Variants in SGPP2 observed in about 807,000 individuals in gnomAD.
SGPP2 encodes the protein sphingosine-1-phosphate phosphatase 2.
SGPP2 carries 30 observed loss-of-function variants against 33.9 expected under a neutral mutation model. The ratio of observed to expected loss-of-function variants is 0.89; its 90% CI spans 0.66 to 1.20. SGPP2 has a LOEUF of 1.20. Among genes scored for constraint, SGPP2 ranks in the 50% most tolerant of loss-of-function variants. SGPP2 has a pLI of 0.00. For synonymous variants in SGPP2, 233 were observed against 225.0 expected (o/e 1.04, Z -0.32); for missense variants, 458 against 532.1 (o/e 0.86, Z 1.37).
At chr2:222,458,343 C>T (rs1265941527) in intron 1 of SGPP2, among the ~76,000 whole-genome samples, 1 of 152,110 alleles carries the variant, frequency 6.6e-6, no homozygotes, top group Non-Finnish European at 1.5e-5. Flanking sequence ...GTGTGAGCCA[C>T]CGTGCCTGGC....
chr2:222,522,310 TA>T, intron 3 of SGPP2, among the ~76,000 whole-genome samples: 1 of 117,320 alleles, frequency 8.5e-6, no homozygotes. Flanking sequence ...GTTTATGTCC[TA>T]GTAAATGATT....
chr2:222,486,978 A>T (rs751021846), intron 2 of SGPP2, among the ~76,000 whole-genome samples: 1 of 152,094 alleles, frequency 6.6e-6, no homozygotes, highest in Non-Finnish European at 1.5e-5. Context: ...TTTGAGAGTA[A>T]GTCACCTTTT....
At chr2:222,435,911 A>G (rs1344749381) in intron 1 of SGPP2, among the ~76,000 whole-genome samples, 1 of 152,180 alleles carries the variant, frequency 6.6e-6, no homozygotes, top group Non-Finnish European at 1.5e-5. Context: ...TTTTCCTCGT[A>G]GAGTGATTCA....
intron 1 of SGPP2, among the ~76,000 whole-genome samples, chr2:222,427,122 C>T (rs1230422747): frequency 6.6e-6 from 1 of 152,184 alleles, no homozygotes; most frequent in Non-Finnish European, 1.5e-5. Flanking sequence ...ATTCCCCGCC[C>T]CTCCAGAGGA....
intron 2 of SGPP2, among the ~76,000 whole-genome samples, chr2:222,517,847 G>T (rs1225914309): frequency 2.0e-5 from 3 of 152,178 alleles, no homozygotes; most frequent in African/African-American, 7.2e-5. Context: ...CTGTGAAGGG[G>T]GTCAGGGAAC....
intron 1 of SGPP2, among the ~76,000 whole-genome samples, chr2:222,438,068 A>G (rs548826530): frequency 6.6e-6 from 1 of 152,346 alleles, no homozygotes; most frequent in East Asian, 1.9e-4. Context: ...AGGTCACTTG[A>G]TAAATGGGCT....
At chr2:222,516,642 A>C (rs1004590749) in intron 2 of SGPP2, among the ~76,000 whole-genome samples, 6 of 152,186 alleles carry the variant, frequency 3.9e-5, no homozygotes, top group Non-Finnish European at 5.9e-5. Flanking sequence ...AGAAACTACC[A>C]AACTATTTTC....
intron 1 of SGPP2, among the ~76,000 whole-genome samples, chr2:222,464,299 G>A (rs754812271): frequency 3.3e-5 from 5 of 152,126 alleles, no homozygotes; most frequent in African/African-American, 7.2e-5. Context: ...TCTTTGTATC[G>A]ATGCCAATGT....
At chr2:222,521,993 A>G in intron 3 of SGPP2, 47 bp downstream of exon 3, 13 of 1,449,024 alleles carry the variant, frequency 9.0e-6, no homozygotes, top group Non-Finnish European at 1.2e-5. Context: ...GAGGCAGCAA[A>G]TAGAGGCTGC....
In SGPP2 at chr2:222,558,931, A is replaced by G. The variant is rs1445324256; in HGVS notation, c.*33A>G. Reference sequence around the variant, plus strand: ...ACAGTTGGAAACTAGCCCACTGGACATGAAAGCCAAGACATAGGAAAGTTA... The same window carrying G: ...ACAGTTGGAAACTAGCCCACTGGACGTGAAAGCCAAGACATAGGAAAGTTA... On this transcript the variant is annotated 3_prime_UTR_variant, in exon 5 of 5. Coordinates refer to ENST00000321276, the MANE Select transcript of SGPP2 (RefSeq NM_152386.4). The G allele has an allele frequency of 1.3e-6, 2 of 1,580,940 alleles. No homozygotes were observed. Among genetic ancestry groups the G allele is most frequent in the African/African-American group, 1.3e-5 (1 of 74,074 alleles).
intron 1 of SGPP2, among the ~76,000 whole-genome samples, chr2:222,473,712 G>A: frequency 6.6e-6 from 1 of 152,142 alleles, no homozygotes; most frequent in Non-Finnish European, 1.5e-5. Flanking sequence ...ATCACCTGAG[G>A]TTGGGAGTTT....
rs1243001800 is a variant in SGPP2 at position 222,562,391 on chromosome 2, G to C, written c.*3493G>C. Among the ~76,000 whole-genome samples the C allele has an allele frequency of 1.3e-5, 2 of 151,966 alleles. No homozygotes were observed. Among genetic ancestry groups the C allele is most frequent in the Non-Finnish European group, 2.9e-5 (2 of 68,026 alleles). ...AAAAACACTTACATAGCAGTGGCTG[G>C]AATTACTCCAAAACGTGCCCAGTGA... On this transcript the variant is annotated 3_prime_UTR_variant, in exon 5 of 5. Transcript: ENST00000321276.
At chr2:222,428,785 C>CTTTTTTTTTT (rs58239129) in intron 1 of SGPP2, among the ~76,000 whole-genome samples, 1 of 75,344 alleles carries the variant, frequency 1.3e-5, no homozygotes, top group African/African-American at 5.1e-5. Context: ...ACATGGTTTT[C>CTTTTTTTTTT]TTTTTTTTTT....
intron 1 of SGPP2, among the ~76,000 whole-genome samples, chr2:222,426,223 A>AG (rs1697068947): frequency 6.6e-6 from 1 of 151,226 alleles, no homozygotes; most frequent in Non-Finnish European, 1.5e-5. Flanking sequence ...AAAAAAAAAA[A>AG]AAAAAAAAAA....
At chr2:222,506,596 A>G (rs912193184) in intron 2 of SGPP2, among the ~76,000 whole-genome samples, 2 of 152,188 alleles carry the variant, frequency 1.3e-5, no homozygotes, top group Non-Finnish European at 2.9e-5. Flanking sequence ...ATAACAAACA[A>G]AATATGTGTT....
intron 1 of SGPP2, among the ~76,000 whole-genome samples, chr2:222,454,013 C>T (rs184592011): frequency 5.3e-5 from 8 of 152,324 alleles, no homozygotes; most frequent in East Asian, 1.9e-4. Flanking sequence ...TTTTGATAAG[C>T]GTGCTAGAGA....
chr2:222,450,812 C>G (rs1402488058), intron 1 of SGPP2, among the ~76,000 whole-genome samples: 4 of 152,100 alleles, frequency 2.6e-5, no homozygotes, highest in Non-Finnish European at 5.9e-5. Context: ...AGGAAGAGAG[C>G]CTCACTTTTC....
intron 1 of SGPP2, among the ~76,000 whole-genome samples, chr2:222,445,396 C>T (rs1374239703): frequency 1.3e-5 from 2 of 152,220 alleles, no homozygotes; most frequent in Non-Finnish European, 2.9e-5. Context: ...CAGTTGCTTC[C>T]TTGCACCATA....
intron 2 of SGPP2, among the ~76,000 whole-genome samples, chr2:222,488,237 C>T (rs959958512): frequency 2.0e-4 from 31 of 152,198 alleles, no homozygotes; most frequent in African/African-American, 7.0e-4. Flanking sequence ...TCCTTAGGGA[C>T]AGGGGTCCCC....
Sources: gnomAD v4.1 joint callset for allele counts (sites outside exome capture counted in the v4.1 genomes callset) on GRCh38, gnomAD v4.1.1 for gene constraint, MANE v1.5 for transcripts, NCBI Gene and HGNC (gene_info 2026-07-23, HGNC 2026-07-21) for gene names.